RASGRP2: variants seen among roughly 807,000 people sequenced by gnomAD.
The protein encoded by RASGRP2 is RAS guanyl releasing protein 2.
In RASGRP2, 44 loss-of-function variants were observed where a neutral mutation model predicts 71.0. The observed-to-expected ratio is 0.62, with a 90% CI of 0.49 to 0.80. RASGRP2 has a LOEUF of 0.80. RASGRP2 is among the 30% of genes least tolerant of loss of function. RASGRP2 has a pLI of 0.00. For missense variants in RASGRP2, 663 were observed against 813.4 expected (o/e 0.82, Z 2.25); for synonymous variants, 350 against 330.7 (o/e 1.06, Z -0.63).
Position 64,730,092 on chromosome 11 carries a change from G to T in RASGRP2, c.1515C>A (p.Asn505Lys). 2 of 1,550,580 alleles carry T rather than the reference G, an allele frequency of 1.3e-6. No individual in the cohort carries two copies. Among genetic ancestry groups the T allele is most frequent in the Non-Finnish European group, 1.7e-6 (2 of 1,147,254 alleles). Residue 505 changes from asparagine (N) to lysine (K), a missense_variant, in exon 13 of 17, where the codon AAC becomes AAA. Physicochemically the swap from Asn to Lys is moderately conservative, Grantham distance 94 (BLOSUM62 0). Transcript: ENST00000394432. ...GGCGGCAGGCGACGGGGCGCAAGGA[G>T]TTGCTCTCCTGGAAGTTGTGTACGA... is the stretch of plus-strand genomic sequence containing the variant. ...MGFVHNFQES[N>K]SLRPVACRHC...
Position 64,742,081 on chromosome 11 carries a change from C to T in RASGRP2, c.105G>A (p.Leu35=), listed in dbSNP as rs1247533240. Residue 35 remains leucine (L), a synonymous_variant, in exon 3 of 17, where the codon CTG becomes CTA. Coordinates refer to ENST00000394432, the MANE Select transcript of RASGRP2 (RefSeq NM_001098671.2). The surrounding 1 kb of genome is among the most constrained non-coding windows in gnomAD (Gnocchi z 4.7). ...GGTGCATCATGAGGAACATGCGCAC[C>T]AGCTGCGGGTCCCGCACCTTCCCGG... ...DDSGKVRDPQ[L]VRMFLMMHPW... is the part of the protein sequence containing the mutation. 3 of 1,607,164 alleles carry T rather than the reference C, an allele frequency of 1.9e-6. No homozygotes were observed. Among genetic ancestry groups the T allele is most frequent in the Non-Finnish European group, 8.5e-7 (1 of 1,176,774 alleles).
intron 12 of RASGRP2, 127 bp downstream of exon 12, chr11:64,734,983 CCA>C: frequency 2.6e-6 from 2 of 772,984 alleles, no homozygotes; most frequent in Non-Finnish European, 4.5e-6. Context: ...GTGCCCTTTC[CCA>C]CACTGGCAGC....
Position 64,739,943 on chromosome 11 carries a change from G to T in RASGRP2, c.522+70C>A. The T allele has an allele frequency of 6.2e-7, 1 of 1,611,738 alleles. No individual in the cohort carries two copies. Among genetic ancestry groups the T allele is most frequent in the South Asian group, 1.1e-5 (1 of 90,866 alleles). ...ACCCTGTGACCCAGCCTACGCCAGG[G>T]ACCCTGCCCCTCCTAGAACTCTCTT... On this transcript the variant is annotated intron_variant, in intron 6 of 16. Coordinates refer to ENST00000394432, the MANE Select transcript of RASGRP2 (RefSeq NM_001098671.2). The surrounding 1 kb of genome is among the most constrained non-coding windows in gnomAD (Gnocchi z 4.2).
intron 15 of RASGRP2, among the ~76,000 whole-genome samples, chr11:64,728,055 C>G (rs917375390): frequency 6.6e-6 from 1 of 152,186 alleles, no homozygotes; most frequent in Non-Finnish European, 1.5e-5. Context: ...TTGTGATCAA[C>G]TACCTTAGAC....
chr11:64,730,287 G>A, intron 12 of RASGRP2, 93 bp from the exon 13 acceptor site: 1 of 1,490,286 alleles, frequency 6.7e-7, no homozygotes, highest in African/African-American at 1.4e-5. Flanking sequence ...GTGTCCTCAT[G>A]GAACTCCTGA....
chr11:64,743,430 C>T lies in RASGRP2; in HGVS notation c.-71-493G>A. 2.9e-6 allele frequency: 1 copy of T among 350,052 alleles called. No homozygotes were observed. Among genetic ancestry groups the T allele is most frequent in the South Asian group, 2.1e-5 (1 of 48,162 alleles). The allele number at this position is 350,052 out of a possible 1,614,324, so 21.7% of individuals were successfully genotyped here. A position where few individuals can be genotyped will look rare whatever the true frequency, so the allele number is the denominator to read the frequency against. On this transcript the variant is annotated intron_variant, in intron 1 of 16. Coordinates refer to ENST00000394432, the MANE Select transcript of RASGRP2 (RefSeq NM_001098671.2). The surrounding 1 kb of genome is among the most constrained non-coding windows in gnomAD (Gnocchi z 4.9). ...GAGAGAACCCAGGCGTCCTGCCCGC[C>T]TCGCCCCCTCCCGGGAGCCCAGGAA...
chr11:64,732,183 GA>G (rs199605858), intron 12 of RASGRP2, among the ~76,000 whole-genome samples: 3 of 151,698 alleles, frequency 2.0e-5, no homozygotes, highest in African/African-American at 7.3e-5. Context: ...GCACAAAGAT[GA>G]AAAAAAACAA....
At chr11:64,730,756 C>A (rs766300253) in intron 12 of RASGRP2, among the ~76,000 whole-genome samples, 3 of 152,214 alleles carry the variant, frequency 2.0e-5, no homozygotes, top group Non-Finnish European at 4.4e-5. Flanking sequence ...CAGTTCAAAT[C>A]GCAGCTCTAC....
rs34152691 is a variant in RASGRP2 at position 64,729,713 on chromosome 11, C to CA, written c.1591+48dup. 0.1 allele frequency: 157,098 copies of CA among 1,563,918 alleles called. 2,173 individuals are homozygous for CA. Among genetic ancestry groups the CA allele is most frequent in the East Asian group, 0.3 (12,771 of 42,856 alleles). ...ACAGTAACTCTCCCAAACAAACAAA[C>CA]AAAAAAAAAAAACACTGCCCAGCAG... On this transcript the variant is annotated intron_variant, in intron 14 of 16. Transcript: ENST00000394432.
At chr11:64,728,421 T>C (rs1490186954) in intron 15 of RASGRP2, among the ~76,000 whole-genome samples, 1 of 152,114 alleles carries the variant, frequency 6.6e-6, no homozygotes, top group Admixed American at 6.5e-5. Context: ...CTGTCCCTTC[T>C]TTATTTTTTA....
Position 64,744,104 on chromosome 11 carries a change from C to A in RASGRP2, c.-173G>T. 1.0e-6 allele frequency: 1 copy of A among 988,326 alleles called. No individual in the cohort carries two copies. The highest frequency in any genetic ancestry group is 1.2e-6 in the Non-Finnish European group (1 of 831,030). 61.2% of individuals were successfully genotyped at this position (988,326 alleles called of 1,614,324 possible). A position where few individuals can be genotyped will look rare whatever the true frequency, so the allele number is the denominator to read the frequency against. On this transcript the variant is annotated 5_prime_UTR_variant, in exon 1 of 17. Coordinates refer to ENST00000394432, the MANE Select transcript of RASGRP2 (RefSeq NM_001098671.2). ...GCCTTGAGTCCCGCGGCCACACAGG[C>A]GCTGACATCCTCACACGTGTGCACA...
rs781003927 is a variant in RASGRP2 at position 64,740,166 on chromosome 11, G to A, written c.372-3C>T. ...GCCGCTTCCACTTGTAGGTAGGGCTGGGGGGGCAGGGGTAGTGAGCCCTTT... is the reference window on the plus strand; with the variant it reads ...GCCGCTTCCACTTGTAGGTAGGGCTAGGGGGGCAGGGGTAGTGAGCCCTTT... On this transcript the variant is annotated splice_region_variant and splice_polypyrimidine_tract_variant and intron_variant, in intron 5 of 16. Transcript: ENST00000394432. 179 of 1,613,434 alleles carry A rather than the reference G, an allele frequency of 1.1e-4. No homozygotes were observed. Among genetic ancestry groups the A allele is most frequent in the Non-Finnish European group, 1.4e-4 (167 of 1,179,798 alleles).
At chr11:64,734,616 A>G (rs2057871261) in intron 12 of RASGRP2, among the ~76,000 whole-genome samples, 1 of 152,164 alleles carries the variant, frequency 6.6e-6, no homozygotes, top group South Asian at 2.1e-4. Flanking sequence ...TAAATTTTGA[A>G]TGGAGTTTTT....
chr11:64,731,506 AG>A (rs1232310531), intron 12 of RASGRP2, among the ~76,000 whole-genome samples: 4 of 152,220 alleles, frequency 2.6e-5, no homozygotes, highest in Non-Finnish European at 4.4e-5. Context: ...ATATGGAAAA[AG>A]ACAACATAAA....
At chr11:64,727,244 T>TC (rs1379271820) in intron 16 of RASGRP2, 52 bp downstream of exon 16, 21 of 1,531,218 alleles carry the variant, frequency 1.4e-5, no homozygotes, top group African/African-American at 1.1e-4. Context: ...ACTCCCCAGC[T>TC]CCCCCCCAGC....
At position 64,742,770 on chromosome 11, in the gene RASGRP2, C is replaced by T; in HGVS notation, c.73+24G>A. Reference sequence around the variant, plus strand: ...CAGACTCGGGGCTAGGCTCAGGCTCCGTGTGCCCTCCCGAGCCACTCACCG... The same window carrying T: ...CAGACTCGGGGCTAGGCTCAGGCTCTGTGTGCCCTCCCGAGCCACTCACCG... On this transcript the variant is annotated intron_variant, in intron 2 of 16. Transcript: ENST00000394432. The surrounding 1 kb of genome is among the most constrained non-coding windows in gnomAD (Gnocchi z 4.7). The T allele has an allele frequency of 6.3e-7, 1 of 1,590,956 alleles. No homozygotes were observed. The highest frequency in any genetic ancestry group is 1.1e-5 in the South Asian group (1 of 87,750).
At chr11:64,736,622 C>A in intron 9 of RASGRP2, 131 bp downstream of exon 9, 1 of 1,064,088 alleles carries the variant, frequency 9.4e-7, no homozygotes, top group Non-Finnish European at 1.4e-6. Flanking sequence ...CACTCCAAAC[C>A]CCAGAGCCCA....
At chr11:64,733,500 G>A (rs1217539604) in intron 12 of RASGRP2, among the ~76,000 whole-genome samples, 2 of 151,996 alleles carry the variant, frequency 1.3e-5, no homozygotes, top group East Asian at 3.9e-4. Context: ...ATGAAGCTGA[G>A]GCCTCCATCG....
chr11:64,728,775 C>T, intron 15 of RASGRP2, 88 bp downstream of exon 15: 1 of 1,342,392 alleles, frequency 7.4e-7, no homozygotes, highest in Non-Finnish European at 1.0e-6. Flanking sequence ...GAATTATGCA[C>T]TTTGGAATGG....
Sources: allele counts gnomAD v4.1 joint callset (sites outside exome capture counted in the v4.1 genomes callset), GRCh38; gene constraint gnomAD v4.1.1; non-coding constraint Gnocchi (gnomAD v3.1); transcripts MANE v1.5; gene names NCBI Gene and HGNC (gene_info 2026-07-23, HGNC 2026-07-21).